The following PTPRD variants were observed in gnomAD, a reference collection of about 807,000 sequenced individuals.
PTPRD encodes the protein protein tyrosine phosphatase receptor type D.
PTPRD carries 34 observed loss-of-function variants against 214.5 expected under a neutral mutation model. The observed-to-expected ratio is 0.16, with a 90% CI of 0.12 to 0.21. The LOEUF is 0.21. PTPRD is among the 10% of genes least tolerant of loss of function. The pLI is 1.00. For missense variants in PTPRD, 2,545 were observed against 2,398.7 expected (o/e 1.06, Z -1.27); for synonymous variants, 1,128 against 845.7 (o/e 1.33, Z -5.79).
At chr9:10,004,060 G>A (rs781435891) in intron 4 of PTPRD, among the ~76,000 whole-genome samples, 1 of 151,714 alleles carries the variant, frequency 6.6e-6, no homozygotes, top group Non-Finnish European at 1.5e-5. Flanking sequence ...ATAATTTAAT[G>A]GGTATTTATG....
intron 10 of PTPRD, among the ~76,000 whole-genome samples, chr9:9,121,672 G>A (rs2099817746): frequency 6.6e-6 from 1 of 152,144 alleles, no homozygotes; most frequent in African/African-American, 2.4e-5. Context: ...GACTTGGTGG[G>A]AAGTGTGGGA....
At position 8,685,318 on chromosome 9, in the gene PTPRD, G is replaced by C. The variant is rs1596961179; in HGVS notation, c.64+48462C>G. Among the ~76,000 whole-genome samples, 8 of 151,548 alleles carry C rather than the reference G, an allele frequency of 5.3e-5. No homozygotes were observed. The South Asian group carries it at 1.7e-3, about 32-fold the overall frequency. ...AGTAGAGACAAAGCAAGGCCCAATG[G>C]AGCAATACTCTTTCTTTACAAATAC... On this transcript the variant is annotated intron_variant, in intron 12 of 45. Coordinates refer to ENST00000381196, the MANE Select transcript of PTPRD (RefSeq NM_002839.4).
At chr9:9,708,212 G>T (rs964105088) in intron 7 of PTPRD, among the ~76,000 whole-genome samples, 13 of 97,396 alleles carry the variant, frequency 1.3e-4, no homozygotes, top group African/African-American at 5.9e-4. Flanking sequence ...CAGTTGCTGG[G>T]CCCAATTTCA....
intron 3 of PTPRD, among the ~76,000 whole-genome samples, chr9:10,284,779 GGAGA>G (rs56899116): frequency 0.033 from 4,948 of 150,868 alleles, 285 homozygotes; most frequent in African/African-American, 0.11. Context: ...AAGGCCAGGA[GGAGA>G]GAGAGAGAGA....
chr9:10,599,094 C>T (rs575747459), intron 2 of PTPRD, among the ~76,000 whole-genome samples: 12 of 151,534 alleles, frequency 7.9e-5, no homozygotes, highest in East Asian at 3.9e-4. Context: ...CTTTGTGCGG[C>T]GAAATTGGAC....
chr9:8,471,406 T>A (rs2096650288), intron 30 of PTPRD, among the ~76,000 whole-genome samples: 1 of 152,116 alleles, frequency 6.6e-6, no homozygotes, highest in Non-Finnish European at 1.5e-5. Context: ...AATACTGCAA[T>A]CTACCACCAC....
At chr9:8,871,101 C>T (rs1378184947) in intron 11 of PTPRD, among the ~76,000 whole-genome samples, 2 of 152,148 alleles carry the variant, frequency 1.3e-5, no homozygotes, top group Non-Finnish European at 2.9e-5. Flanking sequence ...AAAGCGTTGG[C>T]AATGCCCGCT....
At chr9:10,320,954 C>T (rs1273412570) in intron 3 of PTPRD, among the ~76,000 whole-genome samples, 1 of 151,884 alleles carries the variant, frequency 6.6e-6, no homozygotes, top group African/African-American at 2.4e-5. Context: ...TCTCGAACTC[C>T]TGGGCTCAAG....
chr9:8,622,863 T>C (rs1234926402), intron 14 of PTPRD, among the ~76,000 whole-genome samples: 2 of 151,980 alleles, frequency 1.3e-5, no homozygotes, highest in South Asian at 4.2e-4. Flanking sequence ...TTTTGGCTGG[T>C]AGCAGCGGCT....
At chr9:9,831,744 A>G (rs2054916197) in intron 5 of PTPRD, among the ~76,000 whole-genome samples, 1 of 152,022 alleles carries the variant, frequency 6.6e-6, no homozygotes, top group African/African-American at 2.4e-5. Flanking sequence ...TATCATCAAT[A>G]AGGAATTTTG....
intron 17 of PTPRD, 185 bp from the exon 18 acceptor site, chr9:8,525,220 T>A (rs755033676): frequency 3.2e-5 from 23 of 712,512 alleles, no homozygotes; most frequent in Non-Finnish European, 5.0e-5. Flanking sequence ...AGAGATTATT[T>A]TTTTTTTTTA....
intron 12 of PTPRD, among the ~76,000 whole-genome samples, chr9:8,653,002 C>A (rs2096843346): frequency 6.6e-6 from 1 of 152,240 alleles, no homozygotes; most frequent in South Asian, 2.1e-4. Context: ...ATAACCCAGT[C>A]ATAGTCACTA....
chr9:10,531,117 T>C (rs1320702646), intron 2 of PTPRD, among the ~76,000 whole-genome samples: 1 of 152,000 alleles, frequency 6.6e-6, no homozygotes, highest in Non-Finnish European at 1.5e-5. Context: ...GCCCGGCTAA[T>C]TTTTGTATTT....
chr9:10,194,337 TATATATATAG>T (rs2099387759), intron 3 of PTPRD, among the ~76,000 whole-genome samples: 2 of 70,644 alleles, frequency 2.8e-5, no homozygotes, highest in Admixed American at 1.6e-4. Context: ...TATATATATA[TATATATATAG>T]AGAGAGAGAG....
At chr9:10,526,056 G>C (rs1303470670) in intron 2 of PTPRD, among the ~76,000 whole-genome samples, 1 of 152,050 alleles carries the variant, frequency 6.6e-6, no homozygotes, top group East Asian at 1.9e-4. Context: ...TGACCTAGTG[G>C]GTGTTGTATT....
At chr9:9,777,168 C>A (rs1383020206) in intron 5 of PTPRD, among the ~76,000 whole-genome samples, 3 of 152,122 alleles carry the variant, frequency 2.0e-5, no homozygotes, top group Non-Finnish European at 4.4e-5. Flanking sequence ...ACCTCTGGTC[C>A]TCAGATGTTC....
intron 11 of PTPRD, among the ~76,000 whole-genome samples, chr9:8,955,431 T>G (rs2099125964): frequency 6.6e-6 from 1 of 151,666 alleles, no homozygotes; most frequent in South Asian, 2.1e-4. Context: ...ATCACAGCTA[T>G]CAATAATTGG....
chr9:9,045,627 G>C (rs569848540), intron 10 of PTPRD, among the ~76,000 whole-genome samples: 5 of 152,060 alleles, frequency 3.3e-5, no homozygotes, highest in Non-Finnish European at 7.4e-5. Context: ...TATTTCCTCT[G>C]TGCACCCCAA....
intron 3 of PTPRD, among the ~76,000 whole-genome samples, chr9:10,099,127 T>C (rs1054290321): frequency 5.3e-5 from 8 of 151,764 alleles, no homozygotes; most frequent in Non-Finnish European, 8.8e-5. Flanking sequence ...TTGAGACTAG[T>C]AGTTTTTGTT....
Sources: gnomAD v4.1 joint callset for allele counts (sites outside exome capture counted in the v4.1 genomes callset) on GRCh38, gnomAD v4.1.1 for gene constraint, MANE v1.5 for transcripts, NCBI Gene and HGNC (gene_info 2026-07-23, HGNC 2026-07-21) for gene names.